DDX31: variants seen among roughly 807,000 people sequenced by gnomAD.
DDX31 encodes ATP-dependent DNA helicase DDX31.
Under a neutral mutation model 91.3 loss-of-function variants are expected in DDX31, and 70 were observed. The ratio of observed to expected loss-of-function variants is 0.77; its 90% CI spans 0.63 to 0.94. The LOEUF is 0.94. DDX31 is among the 40% of genes least tolerant of loss of function. The pLI is 0.00. For synonymous variants in DDX31, 362 were observed against 350.6 expected, an observed-to-expected ratio of 1.03 and a Z score of -0.36; for missense variants, 902 against 925.0, an observed-to-expected ratio of 0.98 and a Z score of 0.32.
intron 6 of DDX31, chr9:132,658,289 T>C (rs1834700160): frequency 1.4e-6 from 1 of 703,176 alleles, no homozygotes; most frequent in African/African-American, 1.7e-5. Context: ...CATTACTTGC[T>C]GCATGGCCTT....
chr9:132,612,611 T>C (rs184640436), intron 18 of DDX31, among the ~76,000 whole-genome samples: 1 of 152,102 alleles, frequency 6.6e-6, no homozygotes, highest in Non-Finnish European at 1.5e-5. Flanking sequence ...AAAGAGAGAA[T>C]AGGTGAAGAA....
At chr9:132,648,377 G>C in intron 10 of DDX31, 55 bp downstream of exon 10, 1 of 1,606,550 alleles carries the variant, frequency 6.2e-7, no homozygotes, top group Non-Finnish European at 8.5e-7. Flanking sequence ...TTGCAACAAG[G>C]AGAGGAGAAA....
intron 15 of DDX31, 37 bp downstream of exon 15, chr9:132,632,004 C>G (rs759968734): frequency 2.5e-6 from 4 of 1,584,794 alleles, no homozygotes; most frequent in Non-Finnish European, 3.5e-6. Context: ...TCATATATTC[C>G]TGCCTAAAGC....
At chr9:132,654,962 AAAG>A (rs1384578891) in intron 6 of DDX31, among the ~76,000 whole-genome samples, 14 of 151,736 alleles carry the variant, frequency 9.2e-5, no homozygotes, top group Middle Eastern at 3.4e-3. Context: ...AAAAAAAAAA[AAAG>A]AAGAAGAAGA....
intron 18 of DDX31, among the ~76,000 whole-genome samples, chr9:132,617,579 C>A (rs949842051): frequency 6.6e-6 from 1 of 152,130 alleles, no homozygotes; most frequent in Non-Finnish European, 1.5e-5. Flanking sequence ...GGTAAGCCAG[C>A]CTGGCACTCT....
chr9:132,606,652 G>A (rs1831043194), intron 19 of DDX31, among the ~76,000 whole-genome samples: 1 of 152,134 alleles, frequency 6.6e-6, no homozygotes, highest in Admixed American at 6.5e-5. Context: ...ACCTCCCTTT[G>A]AGGCCAGAGG....
intron 11 of DDX31, 31 bp from the exon 12 acceptor site, chr9:132,647,089 C>T: frequency 6.2e-7 from 1 of 1,604,062 alleles, no homozygotes; most frequent in Middle Eastern, 1.7e-4. Flanking sequence ...GCAAAGCAGA[C>T]AACAAACACA....
chr9:132,636,750 TC>T (rs1833144314), intron 14 of DDX31, among the ~76,000 whole-genome samples: 1 of 152,014 alleles, frequency 6.6e-6, no homozygotes, highest in South Asian at 2.1e-4. Flanking sequence ...TTGTTTTCTC[TC>T]CCCCAGATTT....
At chr9:132,604,903 G>A (rs1357300303) in intron 19 of DDX31, among the ~76,000 whole-genome samples, 1 of 152,126 alleles carries the variant, frequency 6.6e-6, no homozygotes, top group East Asian at 1.9e-4. Flanking sequence ...GTGTTCTGTG[G>A]GCTGATCCCA....
At chr9:132,618,276 GGA>G in intron 18 of DDX31, 52 bp downstream of exon 18, 1 of 1,487,804 alleles carries the variant, frequency 6.7e-7, no homozygotes, top group South Asian at 1.3e-5. Flanking sequence ...TGAAGGTGGG[GGA>G]GAGCACTCTG....
chr9:132,594,745 T>G lies in DDX31; in HGVS notation c.*121A>C. On this transcript the variant is annotated 3_prime_UTR_variant, in exon 20 of 20. Coordinates refer to ENST00000372159, the MANE Select transcript of DDX31 (RefSeq NM_022779.9). The stretch of plus-strand genomic sequence containing the variant: ...GAAGGGCTGTGGCCCCTCTGATTCT[T>G]GGGGACGTGGTATTCAGGCAAAGGC... The G allele has an allele frequency of 5.4e-6, 8 of 1,475,618 alleles. No individual in the cohort carries two copies. The highest frequency in any genetic ancestry group is 7.3e-6 in the Non-Finnish European group (8 of 1,096,998). 91.4% of individuals were successfully genotyped at this position (1,475,618 alleles called of 1,614,324 possible). A position where few individuals can be genotyped will look rare whatever the true frequency, so the allele number is the denominator to read the frequency against.
chr9:132,620,848 AC>A (rs58265789), intron 17 of DDX31, among the ~76,000 whole-genome samples: 46,561 of 152,020 alleles, frequency 0.31, 7,452 homozygotes, highest in Middle Eastern at 0.42. Context: ...ACCCTCCAAG[AC>A]ACAGAGTCAG....
At chr9:132,649,578 T>A (rs1834054883) in intron 9 of DDX31, among the ~76,000 whole-genome samples, 1 of 152,250 alleles carries the variant, frequency 6.6e-6, no homozygotes, top group African/African-American at 2.4e-5. Flanking sequence ...GTATATTGTT[T>A]GTGCCACTGT....
chr9:132,636,528 CAT>C (rs2130707896), intron 14 of DDX31, among the ~76,000 whole-genome samples: 1 of 152,328 alleles, frequency 6.6e-6, no homozygotes, highest in South Asian at 2.1e-4. Flanking sequence ...TCTAAAATAA[CAT>C]GTGACGTTCA....
At chr9:132,669,470 TAAAAA>T (rs58679432) in intron 1 of DDX31, 13 of 669,834 alleles carry the variant, frequency 1.9e-5, no homozygotes, top group Middle Eastern at 3.1e-4. Flanking sequence ...GTGGGCAAGA[TAAAAA>T]AAAAAATCAG....
intron 18 of DDX31, among the ~76,000 whole-genome samples, chr9:132,612,888 T>A (rs1831428603): frequency 2.0e-5 from 3 of 152,162 alleles, no homozygotes; most frequent in Admixed American, 1.3e-4. Context: ...GATACCAGTT[T>A]TTTGTGTACT....
At chr9:132,608,445 G>A (rs1326615081) in intron 19 of DDX31, among the ~76,000 whole-genome samples, 2 of 152,068 alleles carry the variant, frequency 1.3e-5, no homozygotes, top group African/African-American at 4.8e-5. Flanking sequence ...AGGACTAAAG[G>A]CAATGTAAGA....
intron 6 of DDX31, among the ~76,000 whole-genome samples, chr9:132,656,668 CCT>C (rs1208145232): frequency 6.6e-6 from 1 of 152,156 alleles, no homozygotes; most frequent in African/African-American, 2.4e-5. Context: ...ACACCATTCC[CCT>C]GATATGTATG....
At chr9:132,615,084 CATTT>C (rs1356062898) in intron 18 of DDX31, among the ~76,000 whole-genome samples, 1 of 152,150 alleles carries the variant, frequency 6.6e-6, no homozygotes, top group East Asian at 1.9e-4. Flanking sequence ...TGAAAGCAGA[CATTT>C]ATTTGGGGTG....
Sources: allele counts gnomAD v4.1 joint callset (sites outside exome capture counted in the v4.1 genomes callset), GRCh38; gene constraint gnomAD v4.1.1; transcripts MANE v1.5; gene names NCBI Gene and HGNC (gene_info 2026-07-23, HGNC 2026-07-21).